The following NCOA1 variants were observed in gnomAD, a reference collection of about 807,000 sequenced individuals.
NCOA1 encodes nuclear receptor coactivator 1, also known as Hin-2 protein.
NCOA1 carries 35 observed loss-of-function variants against 150.9 expected under a neutral mutation model. That is an observed-to-expected ratio of 0.23 (90% confidence interval 0.18 to 0.31). The LOEUF (loss-of-function observed/expected upper bound fraction) is 0.31, where lower values mean the gene tolerates loss of function less well. Ranked by LOEUF, NCOA1 falls within the 10% of genes least tolerant of loss-of-function variation. NCOA1 has a pLI of 1.00. For missense variants in NCOA1, 1,491 were observed against 1,749.3 expected, an observed-to-expected ratio of 0.85 and a Z score of 2.63; for synonymous variants, 590 against 630.0, an observed-to-expected ratio of 0.94 and a Z score of 0.95.
intron 7 of NCOA1, among the ~76,000 whole-genome samples, chr2:24,680,927 G>A (rs1672132884): frequency 6.6e-6 from 1 of 152,088 alleles, no homozygotes; most frequent in Non-Finnish European, 1.5e-5. Flanking sequence ...TATATCATTG[G>A]ATGTGTTTAC....
At chr2:24,734,361 T>C (rs1338370246) in intron 17 of NCOA1, among the ~76,000 whole-genome samples, 1 of 152,144 alleles carries the variant, frequency 6.6e-6, no homozygotes, top group Non-Finnish European at 1.5e-5. Context: ...GTAAATTCAG[T>C]GGAATTCCAA....
At chr2:24,525,713 A>AT (rs1028937247) in intron 1 of NCOA1, among the ~76,000 whole-genome samples, 2 of 151,546 alleles carry the variant, frequency 1.3e-5, no homozygotes, top group African/African-American at 2.4e-5. Flanking sequence ...TGCCTGGCTA[A>AT]TTTTTTTGTA....
At chr2:24,552,795 A>G (rs1374980669) in intron 1 of NCOA1, among the ~76,000 whole-genome samples, 1 of 152,218 alleles carries the variant, frequency 6.6e-6, no homozygotes, top group Non-Finnish European at 1.5e-5. Context: ...CTAGAAGTAC[A>G]ATGTAATTTT....
At chr2:24,661,325 G>A (rs1002282147) in intron 5 of NCOA1, among the ~76,000 whole-genome samples, 1 of 151,856 alleles carries the variant, frequency 6.6e-6, no homozygotes, top group African/African-American at 2.4e-5. Flanking sequence ...TGAATTTCTT[G>A]GTTGTATCTT....
At chr2:24,730,884 A>AC (rs1558322233) in intron 17 of NCOA1, among the ~76,000 whole-genome samples, 1 of 150,904 alleles carries the variant, frequency 6.6e-6, no homozygotes, top group Non-Finnish European at 1.5e-5. Context: ...AAAAAAAAAA[A>AC]AAAAAAAAAC....
At chr2:24,631,395 C>A (rs1174829595) in intron 3 of NCOA1, among the ~76,000 whole-genome samples, 1 of 152,236 alleles carries the variant, frequency 6.6e-6, no homozygotes, top group East Asian at 1.9e-4. Flanking sequence ...AATCTTGAAT[C>A]TTCTCCAATT....
At chr2:24,632,655 C>G (rs538716519) in intron 3 of NCOA1, among the ~76,000 whole-genome samples, 1 of 152,242 alleles carries the variant, frequency 6.6e-6, no homozygotes, top group African/African-American at 2.4e-5. Flanking sequence ...TAGGAGGAAT[C>G]TTTTTGGGAA....
chr2:24,607,689 TA>T (rs1021306678), intron 3 of NCOA1, among the ~76,000 whole-genome samples: 281 of 141,362 alleles, frequency 2.0e-3, no homozygotes, highest in Middle Eastern at 3.6e-3. Context: ...GACTCTTGTC[TA>T]AAAAAAAAAA....
chr2:24,702,811 A>T (rs56027836), intron 11 of NCOA1, among the ~76,000 whole-genome samples: 233 of 152,304 alleles, frequency 1.5e-3, no homozygotes, highest in Non-Finnish European at 2.8e-3. Flanking sequence ...ACAAAATGGG[A>T]TTCCAAAACT....
At chr2:24,526,337 A>T (rs921939492) in intron 1 of NCOA1, among the ~76,000 whole-genome samples, 1 of 152,036 alleles carries the variant, frequency 6.6e-6, no homozygotes. Context: ...ATAGGTTAAT[A>T]AATTTCTCCC....
intron 10 of NCOA1, among the ~76,000 whole-genome samples, 178 bp downstream of exon 10, chr2:24,693,525 A>G (rs1457357166): frequency 6.6e-6 from 1 of 152,196 alleles, no homozygotes; most frequent in Non-Finnish European, 1.5e-5. Flanking sequence ...TACTATGATC[A>G]TTATCATGGT....
chr2:24,553,726 A>C (rs576051505), intron 1 of NCOA1, among the ~76,000 whole-genome samples: 1 of 152,308 alleles, frequency 6.6e-6, no homozygotes, highest in South Asian at 2.1e-4. Flanking sequence ...TCATCAAAGT[A>C]TGATGGTCTG....
At chr2:24,527,232 T>C (rs1672415365) in intron 1 of NCOA1, among the ~76,000 whole-genome samples, 1 of 152,202 alleles carries the variant, frequency 6.6e-6, no homozygotes, top group African/African-American at 2.4e-5. Context: ...ACTATTATTA[T>C]AGTCCTGATG....
In NCOA1 at chr2:24,738,682, G is replaced by C. The variant is rs531776826; in HGVS notation, c.3202-750G>C. Among the ~76,000 whole-genome samples the C allele has an allele frequency of 5.3e-5, 8 of 152,272 alleles. No individual in the cohort carries two copies. The South Asian group carries it at 1.7e-3, about 32-fold the overall frequency. On this transcript the variant is annotated intron_variant, in intron 17 of 22. Coordinates refer to ENST00000348332, the MANE Select transcript of NCOA1 (RefSeq NM_003743.5). Reference sequence around the variant, plus strand: ...CCAATTAAAGGCTTATAAAATTTCTGCAGTAAATAAATCTGTTTTACCTTG... The same window carrying C: ...CCAATTAAAGGCTTATAAAATTTCTCCAGTAAATAAATCTGTTTTACCTTG...
At chr2:24,616,297 A>G (rs559771322) in intron 3 of NCOA1, among the ~76,000 whole-genome samples, 70 of 152,304 alleles carry the variant, frequency 4.6e-4, no homozygotes, top group African/African-American at 1.6e-3. Flanking sequence ...AATTTGTTAC[A>G]TAGTTACCAT....
intron 1 of NCOA1, among the ~76,000 whole-genome samples, chr2:24,562,133 A>G (rs745882164): frequency 5.9e-5 from 9 of 152,206 alleles, no homozygotes; most frequent in Non-Finnish European, 1.2e-4. Flanking sequence ...GAAAAAGTCA[A>G]TGATGGGCAA....
At chr2:24,642,037 T>TGTGTGTGTGTGTGTGTGTGTGGGCGC (rs942145000) in intron 3 of NCOA1, among the ~76,000 whole-genome samples, 2 of 138,452 alleles carry the variant, frequency 1.4e-5, no homozygotes, top group Non-Finnish European at 3.2e-5. Context: ...TGTGTGTGTG[T>TGTGTGTGTGTGTGTGTGTGTGGGCGC]GCGCGCGTGC....
intron 3 of NCOA1, among the ~76,000 whole-genome samples, chr2:24,613,355 G>T (rs926753749): frequency 1.3e-5 from 2 of 152,190 alleles, no homozygotes; most frequent in African/African-American, 2.4e-5. Flanking sequence ...GATACGTGGA[G>T]TGCACAGTGG....
chr2:24,748,029 C>T (rs1664025774), intron 19 of NCOA1, among the ~76,000 whole-genome samples: 1 of 151,436 alleles, frequency 6.6e-6, no homozygotes, highest in African/African-American at 2.4e-5. Flanking sequence ...TTGCTTGAAC[C>T]CAGGAGGCGG....
Sources: allele counts gnomAD v4.1 joint callset (sites outside exome capture counted in the v4.1 genomes callset), GRCh38; gene constraint gnomAD v4.1.1; transcripts MANE v1.5; gene names NCBI Gene and HGNC (gene_info 2026-07-23, HGNC 2026-07-21).